SPATA16: variants seen among roughly 807,000 people sequenced by gnomAD.
SPATA16 encodes the protein spermatogenesis-associated protein 16.
A neutral mutation model predicts 63.3 loss-of-function variants in SPATA16; 36 were observed. The ratio of observed to expected loss-of-function variants is 0.57; its 90% CI spans 0.44 to 0.75. The LOEUF (loss-of-function observed/expected upper bound fraction) is 0.75, where lower values mean the gene tolerates loss of function less well. SPATA16 is among the 30% of genes least tolerant of loss of function. The probability of loss-of-function intolerance (pLI) is 0.00; values close to 1 mark genes in which losing one functional copy is unlikely to be tolerated. For synonymous variants in SPATA16, 203 were observed against 216.7 expected, an observed-to-expected ratio of 0.94 and a Z score of 0.56; for missense variants, 646 against 679.3, an observed-to-expected ratio of 0.95 and a Z score of 0.54.
At chr3:173,038,150 G>A (rs1471193266) in intron 3 of SPATA16, among the ~76,000 whole-genome samples, 1 of 151,974 alleles carries the variant, frequency 6.6e-6, no homozygotes, top group African/African-American at 2.4e-5. Flanking sequence ...GGCATAGGCT[G>A]GCAAGAGTTA....
At chr3:173,104,887 C>T (rs1047187017) in intron 2 of SPATA16, among the ~76,000 whole-genome samples, 4 of 152,036 alleles carry the variant, frequency 2.6e-5, no homozygotes, top group Non-Finnish European at 1.5e-5. Context: ...GAAAATCAGC[C>T]CATCATTTTG....
intron 2 of SPATA16, among the ~76,000 whole-genome samples, chr3:173,061,942 T>G (rs1247117936): frequency 1.3e-5 from 2 of 152,176 alleles, no homozygotes; most frequent in Admixed American, 6.5e-5. Context: ...TCTATTAAAT[T>G]TATGCCAAAT....
At chr3:172,954,362 C>T (rs1253564718) in intron 6 of SPATA16, among the ~76,000 whole-genome samples, 1 of 152,132 alleles carries the variant, frequency 6.6e-6, no homozygotes, top group African/African-American at 2.4e-5. Flanking sequence ...GGAAACCACC[C>T]CCATGATTCA....
chr3:172,931,281 C>G (rs576889831), intron 6 of SPATA16, among the ~76,000 whole-genome samples: 43 of 152,342 alleles, frequency 2.8e-4, no homozygotes, highest in African/African-American at 1.0e-3. Flanking sequence ...TACTCTGTCA[C>G]TTATGCTGGA....
chr3:173,042,780 A>C (rs575497428), intron 3 of SPATA16, among the ~76,000 whole-genome samples: 3 of 152,308 alleles, frequency 2.0e-5, no homozygotes, highest in African/African-American at 7.2e-5. Context: ...TCCATGAGTT[A>C]CTTAGATGTG....
At chr3:173,034,294 A>G (rs11921496) in intron 3 of SPATA16, among the ~76,000 whole-genome samples, 3,100 of 152,248 alleles carry the variant, frequency 0.02, 107 homozygotes, top group African/African-American at 0.07. Context: ...ACTGAAATAT[A>G]GTATACTGAA....
rs539336546 is a variant in SPATA16 at position 173,108,735 on chromosome 3, C to G, written c.612+8385G>C. ...ATGGAGCAGCCCTATACAGGTGTACCATTTTTTATTTTTCATACCTTATTT... is the reference window on the plus strand; with the variant it reads ...ATGGAGCAGCCCTATACAGGTGTACGATTTTTTATTTTTCATACCTTATTT... On this transcript the variant is annotated intron_variant, in intron 2 of 10. Transcript: ENST00000351008. Among the ~76,000 whole-genome samples the G allele has an allele frequency of 5.3e-5, 8 of 152,236 alleles. No homozygotes were observed. In the South Asian group the frequency reaches 6.2e-4, roughly 12 times the overall value.
intron 3 of SPATA16, among the ~76,000 whole-genome samples, chr3:173,022,719 T>C (rs1735361437): frequency 6.6e-6 from 1 of 151,294 alleles, no homozygotes; most frequent in Admixed American, 6.6e-5. Context: ...GTGACCAAAA[T>C]GGACAATCTC....
In SPATA16 at chr3:172,992,537, G is replaced by C. The variant is rs1479061853; in HGVS notation, c.849-15485C>G. ...GACTCTAGGGTGTGTGTGTTGGCTT[G>C]GTGGGGAGGATTGAGGGCAAGGGGA... On this transcript the variant is annotated intron_variant, in intron 4 of 10. Coordinates refer to ENST00000351008, the MANE Select transcript of SPATA16 (RefSeq NM_031955.6). Among the ~76,000 whole-genome samples, 4 of 151,880 alleles carry C rather than the reference G, an allele frequency of 2.6e-5. No individual in the cohort carries two copies. The East Asian group carries it at 7.7e-4, about 29-fold the overall frequency.
intron 5 of SPATA16, among the ~76,000 whole-genome samples, chr3:172,973,273 G>T (rs1432923022): frequency 6.6e-6 from 1 of 152,104 alleles, no homozygotes; most frequent in African/African-American, 2.4e-5. Context: ...TCATGTGTGT[G>T]TGTGTTTATG....
chr3:172,958,507 A>G (rs897381778), intron 5 of SPATA16, among the ~76,000 whole-genome samples: 6 of 152,190 alleles, frequency 3.9e-5, no homozygotes, highest in South Asian at 2.1e-4. Context: ...TGTGTCAAGG[A>G]GGAAAGCTGC....
At chr3:173,019,398 G>T in intron 4 of SPATA16, 88 bp downstream of exon 4, 1 of 1,088,604 alleles carries the variant, frequency 9.2e-7, no homozygotes, top group Non-Finnish European at 1.4e-6. Flanking sequence ...TGAGAGAAAT[G>T]GAGAGTTCTG....
At chr3:172,948,983 G>A (rs563827212) in intron 6 of SPATA16, among the ~76,000 whole-genome samples, 2 of 152,298 alleles carry the variant, frequency 1.3e-5, no homozygotes, top group East Asian at 3.9e-4. Flanking sequence ...TTTAGGAATA[G>A]ATAGGTGGTA....
chr3:173,018,243 C>A (rs968364905), intron 4 of SPATA16, among the ~76,000 whole-genome samples: 3 of 151,426 alleles, frequency 2.0e-5, no homozygotes, highest in Non-Finnish European at 4.4e-5. Flanking sequence ...ATCTTACAAA[C>A]ATGGAATTCA....
intron 10 of SPATA16, among the ~76,000 whole-genome samples, chr3:172,907,343 A>G (rs1732264757): frequency 6.6e-6 from 1 of 152,160 alleles, no homozygotes. Flanking sequence ...ACTGCGTTCA[A>G]GGGTTAAGCC....
At chr3:172,897,947 A>G (rs1202713543) in intron 10 of SPATA16, among the ~76,000 whole-genome samples, 2 of 151,930 alleles carry the variant, frequency 1.3e-5, no homozygotes, top group Non-Finnish European at 2.9e-5. Flanking sequence ...TAGTTTTCTG[A>G]GTATTTTTTA....
intron 6 of SPATA16, among the ~76,000 whole-genome samples, chr3:172,942,933 A>G (rs947001506): frequency 2.0e-5 from 3 of 152,204 alleles, no homozygotes; most frequent in Non-Finnish European, 4.4e-5. Context: ...TAAGTAAGTC[A>G]TGGCTCAAAG....
At chr3:172,969,655 G>A (rs1734000552) in intron 5 of SPATA16, among the ~76,000 whole-genome samples, 1 of 152,200 alleles carries the variant, frequency 6.6e-6, no homozygotes, top group Admixed American at 6.5e-5. Context: ...AACAGAAGCA[G>A]AAATGAAGGC....
At chr3:172,994,489 AT>A (rs1311565169) in intron 4 of SPATA16, among the ~76,000 whole-genome samples, 1 of 152,112 alleles carries the variant, frequency 6.6e-6, no homozygotes, top group Non-Finnish European at 1.5e-5. Context: ...GAAGCATAAA[AT>A]AACATGCTGT....
Sources: gnomAD v4.1 joint callset for allele counts (sites outside exome capture counted in the v4.1 genomes callset) on GRCh38, gnomAD v4.1.1 for gene constraint, MANE v1.5 for transcripts, NCBI Gene and HGNC (gene_info 2026-07-23, HGNC 2026-07-21) for gene names.